FRG1: variants seen among roughly 807,000 people sequenced by gnomAD.
The protein encoded by FRG1 is FSHD region gene 1, also known as protein FRG1.
A neutral mutation model predicts 37.0 loss-of-function variants in FRG1; 19 were observed. That is an observed-to-expected ratio of 0.51 (90% CI 0.36 to 0.75). The LOEUF is 0.75. FRG1 is among the 30% of genes least tolerant of loss of function. FRG1 has a pLI of 0.00. For missense variants in FRG1, 243 were observed against 301.4 expected, an observed-to-expected ratio of 0.81 and a Z score of 1.44; for synonymous variants, 73 against 96.5, an observed-to-expected ratio of 0.76 and a Z score of 1.43.
intron 2 of FRG1, 66 bp from the exon 3 acceptor site, chr4:189,952,096 T>C (rs1736777912): frequency 1.7e-6 from 2 of 1,179,354 alleles, no homozygotes; most frequent in Non-Finnish European, 2.4e-6. Flanking sequence ...TAAGTTATAA[T>C]AACAAAAAAA....
At chr4:189,947,356 C>T (rs1736575930) in intron 2 of FRG1, among the ~76,000 whole-genome samples, 1 of 152,150 alleles carries the variant, frequency 6.6e-6, no homozygotes, top group Admixed American at 6.5e-5. Flanking sequence ...TTAAGTCTTC[C>T]TTATAAATTC....
At chr4:189,955,921 A>T (rs1213010390) in intron 5 of FRG1, among the ~76,000 whole-genome samples, 1 of 152,194 alleles carries the variant, frequency 6.6e-6, no homozygotes, top group Non-Finnish European at 1.5e-5. Flanking sequence ...ACACTAATGA[A>T]TTGAAAATAG....
At chr4:189,941,921 G>A (rs1213038871) in intron 1 of FRG1, 2 of 425,338 alleles carry the variant, frequency 4.7e-6, no homozygotes, top group Non-Finnish European at 9.4e-6. Context: ...GAGATAGAAA[G>A]TATCAAGGAG....
At chr4:189,941,156 G>C in intron 1 of FRG1, 85 bp downstream of exon 1, 1 of 1,261,840 alleles carries the variant, frequency 7.9e-7, no homozygotes, top group Non-Finnish European at 1.1e-6. Flanking sequence ...GCCGTGGCGC[G>C]GAGAGCCGGC....
intron 6 of FRG1, among the ~76,000 whole-genome samples, chr4:189,959,483 AG>A (rs1207351205): frequency 5.9e-5 from 9 of 152,222 alleles, no homozygotes; most frequent in African/African-American, 9.6e-5. Flanking sequence ...CTGACTCCAG[AG>A]GCCACTCTCA....
intron 2 of FRG1, among the ~76,000 whole-genome samples, chr4:189,945,403 T>C (rs967469951): frequency 1.3e-5 from 2 of 152,232 alleles, no homozygotes; most frequent in Non-Finnish European, 2.9e-5. Flanking sequence ...GAGAAAACTT[T>C]TATCAAAATG....
chr4:189,948,565 G>T (rs1314363122), intron 2 of FRG1, among the ~76,000 whole-genome samples: 5 of 152,100 alleles, frequency 3.3e-5, no homozygotes, highest in Non-Finnish European at 7.4e-5. Context: ...AGATTTAAGG[G>T]GGCCCTTAGC....
intron 2 of FRG1, among the ~76,000 whole-genome samples, chr4:189,948,229 A>G (rs1462373685): frequency 6.6e-6 from 1 of 152,196 alleles, no homozygotes; most frequent in Non-Finnish European, 1.5e-5. Flanking sequence ...TTGGTTCCTC[A>G]CAAGGATCTG....
chr4:189,946,860 T>TGTTC (rs1736550854), intron 2 of FRG1, among the ~76,000 whole-genome samples: 1 of 152,188 alleles, frequency 6.6e-6, no homozygotes, highest in Non-Finnish European at 1.5e-5. Flanking sequence ...TTTGTTTGTT[T>TGTTC]GTTTTTTTGG....
At chr4:189,950,042 TTTTG>T (rs200767445) in intron 2 of FRG1, among the ~76,000 whole-genome samples, 13 of 152,140 alleles carry the variant, frequency 8.5e-5, no homozygotes, top group Admixed American at 2.6e-4. Context: ...GGTTTCTGTT[TTTTG>T]TTTGTTTGTT....
chr4:189,946,838 GT>G (rs796778267), intron 2 of FRG1, among the ~76,000 whole-genome samples: 2 of 151,456 alleles, frequency 1.3e-5, no homozygotes, highest in Non-Finnish European at 2.9e-5. Flanking sequence ...TTGGTTCAGG[GT>G]TTTTTGTTTG....
intron 2 of FRG1, among the ~76,000 whole-genome samples, chr4:189,949,317 C>T (rs1736659236): frequency 1.3e-5 from 2 of 152,176 alleles, no homozygotes; most frequent in Admixed American, 1.3e-4. Flanking sequence ...ATAAGCATAC[C>T]TCCAAAGGTT....
At chr4:189,962,753 A>C (rs1236756478) in intron 8 of FRG1, among the ~76,000 whole-genome samples, 1 of 152,206 alleles carries the variant, frequency 6.6e-6, no homozygotes, top group Non-Finnish European at 1.5e-5. Context: ...AAAACGGAAT[A>C]AGCTCTATGT....
intron 1 of FRG1, among the ~76,000 whole-genome samples, chr4:189,941,503 C>T (rs1275220674): frequency 6.6e-6 from 1 of 152,030 alleles, no homozygotes; most frequent in Non-Finnish European, 1.5e-5. Flanking sequence ...GGATGAATCA[C>T]ACAGTGGTTG....
Position 189,940,956 on chromosome 4 carries a change from A to T in FRG1, c.-54A>T. 4.1e-6 allele frequency: 6 copies of T among 1,460,424 alleles called. No homozygotes were observed. In the Admixed American group the frequency reaches 8.4e-5, roughly 21 times the overall value. 90.5% of individuals were successfully genotyped at this position (1,460,424 alleles called of 1,614,324 possible). A position where few individuals can be genotyped will look rare whatever the true frequency, so the allele number is the denominator to read the frequency against. ...CCGCGCCCCTGTGCTGCCCCGACTC[A>T]CATACTCGTCCAGAACCGGCCTCAG... On this transcript the variant is annotated 5_prime_UTR_variant, in exon 1 of 9. Transcript: ENST00000226798.
At chr4:189,957,581 T>C (rs937663862) in intron 6 of FRG1, 79 bp downstream of exon 6, 2 of 1,226,044 alleles carry the variant, frequency 1.6e-6, no homozygotes, top group African/African-American at 3.0e-5. Context: ...TAAATGGTCA[T>C]TTACTGTCAC....
intron 2 of FRG1, among the ~76,000 whole-genome samples, chr4:189,947,020 T>G (rs2126802804): frequency 6.6e-6 from 1 of 152,322 alleles, no homozygotes; most frequent in South Asian, 2.1e-4. Flanking sequence ...ACCCGGCTAA[T>G]TTTTTAAATA....
intron 2 of FRG1, among the ~76,000 whole-genome samples, chr4:189,948,297 G>A (rs1277033675): frequency 2.0e-5 from 3 of 152,218 alleles, no homozygotes; most frequent in Admixed American, 2.0e-4. Flanking sequence ...AAAACCAAGT[G>A]TGACATTAAT....
chr4:189,961,490 C>T (rs1737230775), intron 7 of FRG1: 2 of 170,920 alleles, frequency 1.2e-5, no homozygotes, highest in African/African-American at 2.4e-5. Context: ...TCATCGCAAC[C>T]TCCGCTTCCC....
Sources: allele counts gnomAD v4.1 joint callset (sites outside exome capture counted in the v4.1 genomes callset), GRCh38; gene constraint gnomAD v4.1.1; transcripts MANE v1.5; gene names NCBI Gene and HGNC (gene_info 2026-07-23, HGNC 2026-07-21).